GPR52: variants seen among roughly 807,000 people sequenced by gnomAD.
GPR52 encodes probable G-protein coupled receptor 52.
In GPR52, 8 loss-of-function variants were observed where a neutral mutation model predicts 24.0. That is an observed-to-expected ratio of 0.33 (90% confidence interval 0.20 to 0.60). The LOEUF is 0.60. Ranked by LOEUF, GPR52 falls within the 20% of genes least tolerant of loss-of-function variation. The probability of loss-of-function intolerance (pLI) is 0.82; values close to 1 mark genes in which losing one functional copy is unlikely to be tolerated. For missense variants in GPR52, 412 were observed against 447.7 expected (o/e 0.92, Z 0.72); for synonymous variants, 144 against 158.1 (o/e 0.91, Z 0.67).
Position 174,449,007 on chromosome 1 carries a change from CCTT to C in GPR52, c.900_902del (p.Phe300del), listed in dbSNP as rs1655125034. On this transcript the variant is annotated inframe_deletion, in exon 1 of 1. Coordinates refer to ENST00000367685, the MANE Select transcript of GPR52 (RefSeq NM_005684.5). ...CGGGTCTTGGACAATCCAACTCTGT[CCTT>C]CTTAACAACCTGGCTTGCAATAAGT... The C allele has an allele frequency of 6.2e-7, 1 of 1,613,246 alleles. No individual in the cohort carries two copies. Among genetic ancestry groups the C allele is most frequent in the Non-Finnish European group, 8.5e-7 (1 of 1,179,248 alleles).
chr1:174,448,635 C>T lies in GPR52; in HGVS notation c.524C>T (p.Pro175Leu). ...ATCTACTCCTGCCTAATTTTCTTGC[C>T]TTCCTTTTTTGGCTGGGGGAAACCT... ...IWIYSCLIFL[P>L]SFFGWGKPGY... Residue 175 changes from proline to leucine, a missense_variant, in exon 1 of 1, where the codon CCT becomes CTT. By Grantham distance (98) the Pro-to-Leu change is moderately conservative (BLOSUM62 -3). Coordinates refer to ENST00000367685, the MANE Select transcript of GPR52 (RefSeq NM_005684.5). The surrounding 1 kb of genome is among the most constrained non-coding windows in gnomAD (Gnocchi z 4.2). The T allele has an allele frequency of 6.2e-7, 1 of 1,613,870 alleles. No homozygotes were observed. Among genetic ancestry groups the T allele is most frequent in the Non-Finnish European group, 8.5e-7 (1 of 1,179,826 alleles).
chr1:174,448,157 A>G lies in GPR52; in HGVS notation c.46A>G (p.Ser16Gly). ...WTEWRILNMS[S>G]GIVNVSERHS... ...TGAATGGAGGATCCTGAACATGAGC[A>G]GTGGCATTGTGAATGTGTCCGAGCG... Residue 16 changes from serine to glycine, a missense_variant, in exon 1 of 1, where the codon AGT becomes GGT. By Grantham distance (56) the Ser-to-Gly change is moderately conservative. Transcript: ENST00000367685. The surrounding 1 kb of genome is among the most constrained non-coding windows in gnomAD (Gnocchi z 4.2). The G allele has an allele frequency of 6.2e-7, 1 of 1,613,364 alleles. No individual in the cohort carries two copies. The highest frequency in any genetic ancestry group is 8.5e-7 in the Non-Finnish European group (1 of 1,179,378).
rs769977787 is a variant in GPR52, at chr1:174,448,163, A to C, written c.52A>C (p.Ile18Leu). The C allele has an allele frequency of 4.3e-6, 7 of 1,613,298 alleles. No individual in the cohort carries two copies. The African/African-American group carries it at 9.3e-5, about 22-fold the overall frequency. Residue 18 changes from isoleucine (I) to leucine (L), a missense_variant, in exon 1 of 1, where the codon ATT becomes CTT. Ile to Leu is a conservative substitution (Grantham distance 5). Coordinates refer to ENST00000367685, the MANE Select transcript of GPR52 (RefSeq NM_005684.5). The surrounding 1 kb of genome is among the most constrained non-coding windows in gnomAD (Gnocchi z 4.2). ...GAGGATCCTGAACATGAGCAGTGGC[A>C]TTGTGAATGTGTCCGAGCGTCACTC... Reference protein sequence around the residue: ...EWRILNMSSGIVNVSERHSCP... With the variant: ...EWRILNMSSGLVNVSERHSCP...
Position 174,448,143 on chromosome 1 carries a change from T to A in GPR52, c.32T>A (p.Ile11Asn), listed in dbSNP as rs1655003587. The change falls in exon 1 of 1, where the codon ATC (isoleucine) becomes AAC (asparagine). Residue 11 changes from isoleucine to asparagine, a missense_variant. By Grantham distance (149) the Ile-to-Asn change is moderately radical. Transcript: ENST00000367685. The surrounding 1 kb of genome is among the most constrained non-coding windows in gnomAD (Gnocchi z 4.2). MNESRWTEWRILNMSSGIVNV... is the reference protein window; with the variant it reads MNESRWTEWRNLNMSSGIVNV... ...GAATCCAGGTGGACTGAATGGAGGA[T>A]CCTGAACATGAGCAGTGGCATTGTG... The A allele has an allele frequency of 1.2e-6, 2 of 1,613,128 alleles. No homozygotes were observed. Among genetic ancestry groups the A allele is most frequent in the South Asian group, 2.2e-5 (2 of 91,024 alleles).
chr1:174,448,075 G>A lies in GPR52; in HGVS notation c.-37G>A, dbSNP rs763430882. 5.1e-6 allele frequency: 8 copies of A among 1,572,750 alleles called. No homozygotes were observed. In the South Asian group the frequency reaches 6.0e-5, roughly 12 times the overall value. On this transcript the variant is annotated 5_prime_UTR_variant, in exon 1 of 1. Coordinates refer to ENST00000367685, the MANE Select transcript of GPR52 (RefSeq NM_005684.5). The surrounding 1 kb of genome is among the most constrained non-coding windows in gnomAD (Gnocchi z 4.2). ...ATGCTGGGCAGGGCATCTGCTTGCT[G>A]TAGCCAAGTCTGCAGGTGTCTTTAA...
In GPR52 at chr1:174,449,023, G is replaced by C; in HGVS notation, c.912G>C (p.Trp304Cys). 1 of 1,613,736 alleles carries C rather than the reference G, an allele frequency of 6.2e-7. No individual in the cohort carries two copies. The highest frequency in any genetic ancestry group is 8.5e-7 in the Non-Finnish European group (1 of 1,179,706). ...DNPTLSFLTT[W>C]LAISNSFCNC... is the part of the protein sequence containing the mutation. ...CAACTCTGTCCTTCTTAACAACCTG[G>C]CTTGCAATAAGTAATAGTTTTTGTA... Residue 304 changes from tryptophan (W) to cysteine (C), a missense_variant, in exon 1 of 1, where the codon TGG becomes TGC. By Grantham distance (215) the Trp-to-Cys change is radical. Coordinates refer to ENST00000367685, the MANE Select transcript of GPR52 (RefSeq NM_005684.5).
Position 174,448,691 on chromosome 1 carries a change from G to T in GPR52, c.580G>T (p.Ala194Ser). Reference sequence around the variant, plus strand: ...CCATGGTGACATTTTTGAATGGTGTGCCACGTCTTGGCTCACCAGTGCCTA... The same window carrying T: ...CCATGGTGACATTTTTGAATGGTGTTCCACGTCTTGGCTCACCAGTGCCTA... Reference protein sequence around the residue: ...GYHGDIFEWCATSWLTSAYFT... With the variant: ...GYHGDIFEWCSTSWLTSAYFT... Residue 194 changes from alanine to serine, a missense_variant, in exon 1 of 1, where the codon GCC becomes TCC. Coordinates refer to ENST00000367685, the MANE Select transcript of GPR52 (RefSeq NM_005684.5). This position sits in a 1 kb window ranked among gnomAD's most constrained non-coding sequence, Gnocchi z 4.2. 6.2e-7 allele frequency: 1 copy of T among 1,613,970 alleles called. No homozygotes were observed. The highest frequency in any genetic ancestry group is 8.5e-7 in the Non-Finnish European group (1 of 1,179,898).
chr1:174,449,036 A>G lies in GPR52; in HGVS notation c.925A>G (p.Asn309Asp), dbSNP rs765811038. The change falls in exon 1 of 1, where the codon AAT becomes GAT. Residue 309 changes from asparagine (N) to aspartate (D), a missense_variant. By Grantham distance (23) the Asn-to-Asp change is conservative. Transcript: ENST00000367685. ...SFLTTWLAIS[N>D]SFCNCVIYSL... is the part of the protein sequence containing the mutation. ...CTTAACAACCTGGCTTGCAATAAGT[A>G]ATAGTTTTTGTAACTGTGTAATATA... The G allele has an allele frequency of 6.2e-7, 1 of 1,613,934 alleles. No homozygotes were observed. The highest frequency in any genetic ancestry group is 8.5e-7 in the Non-Finnish European group (1 of 1,179,818).
chr1:174,448,955 A>G lies in GPR52; in HGVS notation c.844A>G (p.Ile282Val). Residue 282 changes from isoleucine to valine, a missense_variant, in exon 1 of 1, where the codon ATA becomes GTA. Ile to Val is a conservative substitution (Grantham distance 29). Coordinates refer to ENST00000367685, the MANE Select transcript of GPR52 (RefSeq NM_005684.5). The surrounding 1 kb of genome is among the most constrained non-coding windows in gnomAD (Gnocchi z 4.2). ...ATTTTATATGCTGTGGCTCCCCTAT[A>G]TAATTTACTTTCTTCTAGAAAGCTC... is the stretch of plus-strand genomic sequence containing the variant. ...SVFYMLWLPY[I>V]IYFLLESSRV... is the part of the protein sequence containing the mutation. 6.2e-7 allele frequency: 1 copy of G among 1,614,050 alleles called. No individual in the cohort carries two copies. The highest frequency in any genetic ancestry group is 8.5e-7 in the Non-Finnish European group (1 of 1,179,926).
At position 174,448,595 on chromosome 1, in the gene GPR52, A is replaced by T; in HGVS notation, c.484A>T (p.Ile162Phe). The change falls in exon 1 of 1, where the codon ATT becomes TTT. Residue 162 changes from isoleucine to phenylalanine, a missense_variant. By Grantham distance (21) the Ile-to-Phe change is conservative. Transcript: ENST00000367685. The surrounding 1 kb of genome is among the most constrained non-coding windows in gnomAD (Gnocchi z 4.2). ...CACCCCTTGTCGCTTGAGAATTTGC[A>T]TTATTTTGATCTGGATCTACTCCTG... ...LVTPCRLRICIILIWIYSCLI... is the reference protein window; with the variant it reads ...LVTPCRLRICFILIWIYSCLI... 1 of 1,614,012 alleles carries T rather than the reference A, an allele frequency of 6.2e-7. No individual in the cohort carries two copies. Among genetic ancestry groups the T allele is most frequent in the Non-Finnish European group, 8.5e-7 (1 of 1,179,950 alleles).
Position 174,448,422 on chromosome 1 carries a change from A to T in GPR52, c.311A>T (p.Tyr104Phe). The T allele has an allele frequency of 6.2e-7, 1 of 1,612,368 alleles. No individual in the cohort carries two copies. Among genetic ancestry groups the T allele is most frequent in the Non-Finnish European group, 8.5e-7 (1 of 1,178,726 alleles). Residue 104 changes from tyrosine to phenylalanine, a missense_variant, in exon 1 of 1, where the codon TAC becomes TTC. Tyr to Phe is a conservative substitution (Grantham distance 22). Transcript: ENST00000367685. This position sits in a 1 kb window ranked among gnomAD's most constrained non-coding sequence, Gnocchi z 4.2. ...CLVPTLSLLH[Y>F]STGVHESLTC... The stretch of plus-strand genomic sequence containing the variant: ...GTTCCTACTCTGTCACTTCTCCACT[A>T]CTCCACAGGTGTCCACGAGTCATTG...
rs1400896062 is a variant in GPR52, at chr1:174,449,211, G to A, written c.*14G>A. On this transcript the variant is annotated 3_prime_UTR_variant, in exon 1 of 1. Transcript: ENST00000367685. Reference sequence around the variant, plus strand: ...TGCTCCATTTGAAGAGAGCTACATAGTAAATCAAATGTAATCTGACAGTGG... The same window carrying A: ...TGCTCCATTTGAAGAGAGCTACATAATAAATCAAATGTAATCTGACAGTGG... The A allele has an allele frequency of 2.6e-6, 4 of 1,539,066 alleles. No homozygotes were observed. The highest frequency in any genetic ancestry group is 2.3e-5 in the East Asian group (1 of 44,300).
chr1:174,448,061 G>A lies in GPR52; in HGVS notation c.-51G>A. 6.6e-7 allele frequency: 1 copy of A among 1,523,108 alleles called. No individual in the cohort carries two copies. Among genetic ancestry groups the A allele is most frequent in the Non-Finnish European group, 9.0e-7 (1 of 1,116,120 alleles). 94.3% of individuals were successfully genotyped at this position (1,523,108 alleles called of 1,614,324 possible). ...GCGGTGTTTAACAGATGCTGGGCAG[G>A]GCATCTGCTTGCTGTAGCCAAGTCT... is the stretch of plus-strand genomic sequence containing the variant. On this transcript the variant is annotated 5_prime_UTR_variant, in exon 1 of 1. Coordinates refer to ENST00000367685, the MANE Select transcript of GPR52 (RefSeq NM_005684.5). This position sits in a 1 kb window ranked among gnomAD's most constrained non-coding sequence, Gnocchi z 4.2.
Position 174,448,031 on chromosome 1 carries a change from C to A in GPR52, c.-81C>A. The A allele has an allele frequency of 2.5e-6, 3 of 1,184,164 alleles. No homozygotes were observed. The highest frequency in any genetic ancestry group is 3.7e-6 in the Non-Finnish European group (3 of 819,928). 73.4% of individuals were successfully genotyped at this position (1,184,164 alleles called of 1,614,324 possible). A position where few individuals can be genotyped will look rare whatever the true frequency, so the allele number is the denominator to read the frequency against. ...CTACTGAAGCAGGTTCTGAAACACT[C>A]ATGTGCGGTGTTTAACAGATGCTGG... On this transcript the variant is annotated 5_prime_UTR_variant, in exon 1 of 1. Transcript: ENST00000367685. The surrounding 1 kb of genome is among the most constrained non-coding windows in gnomAD (Gnocchi z 4.2).
At position 174,448,458 on chromosome 1, in the gene GPR52, T is replaced by C; in HGVS notation, c.347T>C (p.Val116Ala). 6.2e-7 allele frequency: 1 copy of C among 1,613,410 alleles called. No individual in the cohort carries two copies. Among genetic ancestry groups the C allele is most frequent in the Non-Finnish European group, 8.5e-7 (1 of 1,179,394 alleles). The change falls in exon 1 of 1, where the codon GTT becomes GCT. Residue 116 changes from valine to alanine, a missense_variant. Coordinates refer to ENST00000367685, the MANE Select transcript of GPR52 (RefSeq NM_005684.5). The surrounding 1 kb of genome is among the most constrained non-coding windows in gnomAD (Gnocchi z 4.2). ...TGVHESLTCQVFGYIISVLKS... is the reference protein window; with the variant it reads ...TGVHESLTCQAFGYIISVLKS... ...GTCCACGAGTCATTGACTTGCCAGG[T>C]TTTTGGATATATCATCTCAGTTCTA...
chr1:174,449,513 TTCTG>T lies in GPR52; in HGVS notation c.*320_*323del, dbSNP rs1655190441. ...ATGAGCAAGCCCCTTGGCTCAGCAT[TTCTG>T]TCTTTCTGTCTGACTGTACCCTGCC... On this transcript the variant is annotated 3_prime_UTR_variant, in exon 1 of 1. Coordinates refer to ENST00000367685, the MANE Select transcript of GPR52 (RefSeq NM_005684.5). Among the ~76,000 whole-genome samples, 1 of 152,196 alleles carries T rather than the reference TTCTG, an allele frequency of 6.6e-6. No homozygotes were observed. Among genetic ancestry groups the T allele is most frequent in the African/African-American group, 2.4e-5 (1 of 41,452 alleles).
Position 174,449,206 on chromosome 1 carries a change from A to C in GPR52, c.*9A>C. The C allele has an allele frequency of 6.4e-7, 1 of 1,551,398 alleles. No homozygotes were observed. The highest frequency in any genetic ancestry group is 8.7e-7 in the Non-Finnish European group (1 of 1,153,654). ...ATTCTTGCTCCATTTGAAGAGAGCT[A>C]CATAGTAAATCAAATGTAATCTGAC... On this transcript the variant is annotated 3_prime_UTR_variant, in exon 1 of 1. Coordinates refer to ENST00000367685, the MANE Select transcript of GPR52 (RefSeq NM_005684.5).
chr1:174,449,091 G>A lies in GPR52; in HGVS notation c.980G>A (p.Gly327Asp), dbSNP rs768617818. ...YSLSNSVFRL[G>D]LRRLSETMCT... ...CTCTCCAACAGCGTTTTCCGGCTAG[G>A]CCTCCGAAGACTGTCTGAGACAATG... is the stretch of plus-strand genomic sequence containing the variant. Residue 327 changes from glycine to aspartate, a missense_variant, in exon 1 of 1, where the codon GGC (glycine) becomes GAC (aspartate). Gly to Asp is a moderately conservative substitution (Grantham distance 94, BLOSUM62 -1). Coordinates refer to ENST00000367685, the MANE Select transcript of GPR52 (RefSeq NM_005684.5). The A allele has an allele frequency of 6.2e-7, 1 of 1,614,048 alleles. No individual in the cohort carries two copies. The highest frequency in any genetic ancestry group is 2.2e-5 in the East Asian group (1 of 44,876).
chr1:174,449,315 G>A lies in GPR52; in HGVS notation c.*118G>A. The A allele has an allele frequency of 1.2e-6, 1 of 853,010 alleles. No homozygotes were observed. Among genetic ancestry groups the A allele is most frequent in the Non-Finnish European group, 1.8e-6 (1 of 544,772 alleles). 52.8% of individuals were successfully genotyped at this position (853,010 alleles called of 1,614,324 possible). ...CTTGAATAGTTGACTGTAAAATGAAGTATGAGACTAAAGGTTTCTCTCTTT... is the reference window on the plus strand; with the variant it reads ...CTTGAATAGTTGACTGTAAAATGAAATATGAGACTAAAGGTTTCTCTCTTT... On this transcript the variant is annotated 3_prime_UTR_variant, in exon 1 of 1. Coordinates refer to ENST00000367685, the MANE Select transcript of GPR52 (RefSeq NM_005684.5).
Sources: allele counts gnomAD v4.1 joint callset (sites outside exome capture counted in the v4.1 genomes callset), GRCh38; gene constraint gnomAD v4.1.1; non-coding constraint Gnocchi (gnomAD v3.1); transcripts MANE v1.5; gene names NCBI Gene and HGNC (gene_info 2026-07-23, HGNC 2026-07-21).